Variants in NAV1 observed in about 807,000 individuals in gnomAD.
NAV1 encodes the protein neuron navigator 1, also known as pore membrane and/or filament interacting like protein 3.
A neutral mutation model predicts 175.2 loss-of-function variants in NAV1; 18 were observed. That is an observed-to-expected ratio of 0.10 (90% CI 0.07 to 0.15). The LOEUF is 0.15. NAV1 is among the 10% of genes least tolerant of loss of function. NAV1 has a pLI of 1.00. For missense variants in NAV1, 1,731 were observed against 2,436.6 expected (o/e 0.71, Z 6.10); for synonymous variants, 897 against 978.7 (o/e 0.92, Z 1.56).
At chr1:201,642,338 A>G (rs573223317) in intron 2 of NAV1, among the ~76,000 whole-genome samples, 5 of 151,210 alleles carry the variant, frequency 3.3e-5, no homozygotes, top group Non-Finnish European at 5.9e-5. Flanking sequence ...TCAGCCTCCC[A>G]AGTAGCTGGG....
At chr1:201,543,755 C>A (rs1665585880) in intron 1 of NAV1, among the ~76,000 whole-genome samples, 1 of 152,144 alleles carries the variant, frequency 6.6e-6, no homozygotes, top group African/African-American at 2.4e-5. Context: ...ATAACCATCA[C>A]CTGTAGCCAT....
intron 1 of NAV1, among the ~76,000 whole-genome samples, chr1:201,690,652 C>T (rs1214392308): frequency 1.4e-5 from 2 of 145,726 alleles, no homozygotes; most frequent in African/African-American, 2.6e-5. Context: ...CTGTCTGTGG[C>T]AGAGCGCTGG....
intron 25 of NAV1, 29 bp from the exon 30 acceptor site, chr1:201,811,874 G>C: frequency 1.1e-5 from 18 of 1,613,690 alleles, no homozygotes; most frequent in Non-Finnish European, 1.5e-5. Context: ...GCAAGTCTAA[G>C]TGAATCTTTT....
intron 2 of NAV1, among the ~76,000 whole-genome samples, chr1:201,639,830 G>T (rs1668701500): frequency 6.6e-6 from 1 of 152,198 alleles, no homozygotes; most frequent in Non-Finnish European, 1.5e-5. Context: ...ATGGGCTTCA[G>T]GCTCTGGTCT....
At chr1:201,651,228 A>G (rs565910426) in intron 1 of NAV1, among the ~76,000 whole-genome samples, 1 of 151,990 alleles carries the variant, frequency 6.6e-6, no homozygotes, top group African/African-American at 2.4e-5. Context: ...CAGAAGGCAC[A>G]GAACCCTTTT....
intron 3 of NAV1, among the ~76,000 whole-genome samples, chr1:201,752,526 A>C (rs553720347): frequency 1.4e-4 from 22 of 152,286 alleles, no homozygotes; most frequent in South Asian, 8.3e-4. Flanking sequence ...GCTGCTTGGC[A>C]AGAAAGAAAA....
At chr1:201,805,382 A>G (rs1678212240) in intron 17 of NAV1, among the ~76,000 whole-genome samples, 1 of 152,180 alleles carries the variant, frequency 6.6e-6, no homozygotes, top group African/African-American at 2.4e-5. Flanking sequence ...CAAAGGAGGT[A>G]AAAGTTAAAC....
chr1:201,593,366 C>T (rs376535827), intron 2 of NAV1, among the ~76,000 whole-genome samples: 2 of 152,204 alleles, frequency 1.3e-5, no homozygotes, highest in African/African-American at 2.4e-5. Flanking sequence ...AAGGCTAACG[C>T]ATGCCCATAA....
At chr1:201,726,967 C>A (rs1477298370) in intron 3 of NAV1, among the ~76,000 whole-genome samples, 1 of 152,188 alleles carries the variant, frequency 6.6e-6, no homozygotes, top group Non-Finnish European at 1.5e-5. Context: ...AGCTAGGCTG[C>A]CTGTGTTTGT....
At chr1:201,551,720 C>T (rs901306302) in intron 1 of NAV1, among the ~76,000 whole-genome samples, 5 of 152,152 alleles carry the variant, frequency 3.3e-5, no homozygotes, top group Non-Finnish European at 5.9e-5. Flanking sequence ...CATTTTTACC[C>T]AGTCAAAAAA....
chr1:201,651,122 C>CGTGTGGGTGTGTGTGTGT (rs1669186080), intron 1 of NAV1, among the ~76,000 whole-genome samples: 1 of 129,062 alleles, frequency 7.7e-6, no homozygotes. Context: ...AGGAAGGGAC[C>CGTGTGGGTGTGTGTGTGT]GTGTGTGTGT....
chr1:201,614,761 C>T (rs1281799926), intron 2 of NAV1, among the ~76,000 whole-genome samples: 4 of 152,150 alleles, frequency 2.6e-5, no homozygotes, highest in Admixed American at 2.6e-4. Flanking sequence ...AGCACAATGT[C>T]TGGAGCTAGA....
chr1:201,607,870 TTGTGTGTGTGTGTGTG>T (rs57110688), intron 2 of NAV1, among the ~76,000 whole-genome samples: 12,728 of 138,266 alleles, frequency 0.092, 655 homozygotes, highest in East Asian at 0.14. Context: ...GATAACTTTA[TTGTGTGTGTGTGTGTG>T]TGTGTGTGTG....
intron 1 of NAV1, among the ~76,000 whole-genome samples, chr1:201,556,272 G>A (rs1456350177): frequency 6.6e-6 from 1 of 152,036 alleles, no homozygotes; most frequent in Non-Finnish European, 1.5e-5. Context: ...AAAAAAATTA[G>A]TCGGGCATGG....
intron 3 of NAV1, among the ~76,000 whole-genome samples, chr1:201,742,793 T>C (rs1209366241): frequency 6.6e-6 from 1 of 152,094 alleles, no homozygotes; most frequent in African/African-American, 2.4e-5. Flanking sequence ...ATGAGCTGCT[T>C]CTCGTTAGAG....
chr1:201,625,307 C>T (rs568728119), intron 1 of NAV1, among the ~76,000 whole-genome samples: 1 of 152,276 alleles, frequency 6.6e-6, no homozygotes, highest in African/African-American at 2.4e-5. Flanking sequence ...TGGTGCAGCT[C>T]CAAAGACCTG....
At chr1:201,809,833 A>G (rs1254274062) in intron 22 of NAV1, 113 bp from the exon 27 acceptor site, 9 of 1,064,276 alleles carry the variant, frequency 8.5e-6, no homozygotes, top group Non-Finnish European at 1.1e-5. Flanking sequence ...GGAAAAGCAT[A>G]TGCTCTGCAC....
At chr1:201,575,703 AC>A (rs1328475373) in intron 1 of NAV1, among the ~76,000 whole-genome samples, 1 of 152,116 alleles carries the variant, frequency 6.6e-6, no homozygotes, top group African/African-American at 2.4e-5. Context: ...TGGTGACGTA[AC>A]AACATCTGAG....
At chr1:201,746,965 A>C (rs753657153) in intron 3 of NAV1, among the ~76,000 whole-genome samples, 1 of 151,416 alleles carries the variant, frequency 6.6e-6, no homozygotes, top group Admixed American at 6.6e-5. Context: ...AGTCATGCCA[A>C]TGCACTCCAG....
Sources: gnomAD v4.1 joint callset for allele counts (sites outside exome capture counted in the v4.1 genomes callset) on GRCh38, gnomAD v4.1.1 for gene constraint, MANE v1.5 for transcripts, NCBI Gene and HGNC (gene_info 2026-07-23, HGNC 2026-07-21) for gene names.